Variants in IFNGR1 observed in about 807,000 individuals in gnomAD.
IFNGR1 encodes the protein AVP, type 2.
IFNGR1 carries 23 observed loss-of-function variants against 35.4 expected under a neutral mutation model. That is an observed-to-expected ratio of 0.65 (90% CI 0.47 to 0.92). IFNGR1 has a LOEUF of 0.92. IFNGR1 is among the 40% of genes least tolerant of loss of function. IFNGR1 has a pLI of 0.00. For synonymous variants in IFNGR1, 199 were observed against 209.5 expected (o/e 0.95, Z 0.43); for missense variants, 533 against 583.4 (o/e 0.91, Z 0.89).
chr6:137,207,135 A>G, intron 1 of IFNGR1, 58 bp from the exon 2 acceptor site: 1 of 1,599,476 alleles, frequency 6.3e-7, no homozygotes, highest in East Asian at 2.3e-5. Context: ...TTAATATTGG[A>G]AAGCCTTATT....
chr6:137,205,397 A>G (rs1344552564), intron 3 of IFNGR1, among the ~76,000 whole-genome samples: 1 of 152,210 alleles, frequency 6.6e-6, no homozygotes, highest in Non-Finnish European at 1.5e-5. Context: ...TAGTTGGAAT[A>G]CAGGAACTGG....
In IFNGR1 at chr6:137,200,864, A is replaced by T. The variant is rs771293851; in HGVS notation, c.861+17T>A. ...AAGTTAACTTTTTAGTGTATATAAA[A>T]AAATTAAATACATTACCAAGGACTT... On this transcript the variant is annotated intron_variant, in intron 6 of 6. Transcript: ENST00000367739. The T allele has an allele frequency of 1.4e-5, 22 of 1,531,032 alleles. No homozygotes were observed. Among genetic ancestry groups the T allele is most frequent in the Non-Finnish European group, 1.7e-5 (19 of 1,122,850 alleles). The allele number at this position is 1,531,032 out of a possible 1,614,324, so 94.8% of individuals were successfully genotyped here.
chr6:137,203,545 T>C lies in IFNGR1; in HGVS notation c.687A>G (p.Glu229=). The C allele has an allele frequency of 6.2e-7, 1 of 1,613,220 alleles. No individual in the cohort carries two copies. Among genetic ancestry groups the C allele is most frequent in the Non-Finnish European group, 8.5e-7 (1 of 1,179,182 alleles). Residue 229 remains glutamate (E), a synonymous_variant, in exon 5 of 7, where the codon GAA becomes GAG. Coordinates refer to ENST00000367739, the MANE Select transcript of IFNGR1 (RefSeq NM_000416.3). ...GVLHVWGVTT[E]KSKEVCITIF... Reference sequence around the variant, plus strand: ...TGGTAATACAAACTTCTTTTGACTTTTCAGTTGTAACACCCCACACATGTA... The same window carrying C: ...TGGTAATACAAACTTCTTTTGACTTCTCAGTTGTAACACCCCACACATGTA...
chr6:137,198,832 A>G (rs925039771), intron 6 of IFNGR1, among the ~76,000 whole-genome samples, 193 bp from the exon 7 acceptor site: 5 of 152,206 alleles, frequency 3.3e-5, no homozygotes, highest in Non-Finnish European at 7.3e-5. Flanking sequence ...ATTTTTAAAA[A>G]GCCATCAGAT....
intron 6 of IFNGR1, among the ~76,000 whole-genome samples, chr6:137,199,486 A>AAT (rs1397088932): frequency 1.2e-5 from 1 of 84,170 alleles, no homozygotes; most frequent in South Asian, 3.0e-4. Flanking sequence ...TATAATTTAT[A>AAT]ATATATTATA....
At chr6:137,211,631 G>T (rs2114504204) in intron 1 of IFNGR1, among the ~76,000 whole-genome samples, 1 of 152,272 alleles carries the variant, frequency 6.6e-6, no homozygotes. Flanking sequence ...CTAAGGCACT[G>T]TTCTTGCCAG....
chr6:137,208,844 C>T (rs556043434), intron 1 of IFNGR1, among the ~76,000 whole-genome samples: 159 of 152,244 alleles, frequency 1.0e-3, no homozygotes, highest in Admixed American at 2.0e-3. Flanking sequence ...AGAAGAGGGC[C>T]ACCATCCTCC....
rs17175134 is a variant in IFNGR1 at position 137,212,064 on chromosome 6, C to T, written c.86-4987G>A. ...CAAAGTCTCACCTGTTACTATAAGA[C>T]GCAAGAAGAAACCAGGTGGCACTTT... On this transcript the variant is annotated intron_variant, in intron 1 of 6. Coordinates refer to ENST00000367739, the MANE Select transcript of IFNGR1 (RefSeq NM_000416.3). Among the ~76,000 whole-genome samples the T allele has an allele frequency of 4.4e-3, 676 of 152,192 alleles. 5 individuals are homozygous for T. Among genetic ancestry groups the T allele is most frequent in the Middle Eastern group, 0.041 (12 of 294 alleles).
intron 1 of IFNGR1, among the ~76,000 whole-genome samples, chr6:137,215,588 G>C (rs1028809486): frequency 6.6e-6 from 1 of 152,118 alleles, no homozygotes; most frequent in Non-Finnish European, 1.5e-5. Context: ...AATCAAAATT[G>C]AACCATTAAT....
chr6:137,211,504 T>G (rs1331273108), intron 1 of IFNGR1, among the ~76,000 whole-genome samples: 1 of 152,218 alleles, frequency 6.6e-6, no homozygotes, highest in Non-Finnish European at 1.5e-5. Context: ...TAACTTGACC[T>G]TTTTGTGGCC....
At chr6:137,206,694 G>A (rs1239687999) in intron 2 of IFNGR1, 1 of 475,862 alleles carries the variant, frequency 2.1e-6, no homozygotes, top group Non-Finnish European at 3.7e-6. Flanking sequence ...ATACACTACA[G>A]GAAGATGACA....
intron 1 of IFNGR1, 27 bp from the exon 2 acceptor site, chr6:137,207,104 G>C (rs1323347273): frequency 1.2e-6 from 2 of 1,612,430 alleles, no homozygotes; most frequent in Non-Finnish European, 1.7e-6. Flanking sequence ...AAGTAAAAGG[G>C]ACAATTGTAA....
At chr6:137,213,686 T>C (rs1265037817) in intron 1 of IFNGR1, among the ~76,000 whole-genome samples, 2 of 152,080 alleles carry the variant, frequency 1.3e-5, no homozygotes, top group Non-Finnish European at 2.9e-5. Flanking sequence ...GACCAAAAAA[T>C]AGCAGTCGTG....
chr6:137,198,400 C>T lies in IFNGR1; in HGVS notation c.1101G>A (p.Pro367=), dbSNP rs149761943. 380 of 1,614,022 alleles carry T rather than the reference C, an allele frequency of 2.4e-4. 1 individual carries two copies. The African/African-American group carries it at 4.2e-3, about 18-fold the overall frequency. ...TCTCTATTGGAGTCAGATGGCTGCCCGGGACCACGTCAGGAATATTTTCTT... is the reference window on the plus strand; with the variant it reads ...TCTCTATTGGAGTCAGATGGCTGCCTGGGACCACGTCAGGAATATTTTCTT... ...TTEENIPDVV[P]GSHLTPIERE... is the part of the protein sequence containing the mutation. Residue 367 remains proline (P), a synonymous_variant, in exon 7 of 7, where the codon CCG becomes CCA. Coordinates refer to ENST00000367739, the MANE Select transcript of IFNGR1 (RefSeq NM_000416.3).
At chr6:137,201,810 T>A (rs745660114) in intron 5 of IFNGR1, among the ~76,000 whole-genome samples, 1 of 152,204 alleles carries the variant, frequency 6.6e-6, no homozygotes, top group Non-Finnish European at 1.5e-5. Flanking sequence ...GCTTCACAGA[T>A]GTACATGCAC....
At chr6:137,199,519 A>G in intron 6 of IFNGR1, among the ~76,000 whole-genome samples, 1 of 99,724 alleles carries the variant, frequency 1.0e-5, no homozygotes, top group Non-Finnish European at 1.8e-5. Context: ...TTTATAATAT[A>G]TTATATATAA....
chr6:137,201,072 G>A, intron 5 of IFNGR1, 64 bp from the exon 6 acceptor site: 1 of 1,521,160 alleles, frequency 6.6e-7, no homozygotes, highest in Middle Eastern at 1.7e-4. Flanking sequence ...CTATCAAAAA[G>A]TCTTAGTGCC....
chr6:137,206,408 G>T, intron 2 of IFNGR1, 100 bp from the exon 3 acceptor site: 1 of 871,222 alleles, frequency 1.1e-6, no homozygotes, highest in Non-Finnish European at 1.8e-6. Flanking sequence ...GCACAAAGCG[G>T]TAGAAAGAGC....
chr6:137,216,430 A>G (rs1360797617), intron 1 of IFNGR1, among the ~76,000 whole-genome samples: 3 of 152,252 alleles, frequency 2.0e-5, no homozygotes, highest in Non-Finnish European at 2.9e-5. Context: ...TAAGTGGCAC[A>G]CACAGATTTT....
Sources: gnomAD v4.1 joint callset for allele counts (sites outside exome capture counted in the v4.1 genomes callset) on GRCh38, gnomAD v4.1.1 for gene constraint, MANE v1.5 for transcripts, NCBI Gene and HGNC (gene_info 2026-07-23, HGNC 2026-07-21) for gene names.